Variants in WDR82 observed in about 807,000 individuals in gnomAD.
The protein encoded by WDR82 is WD repeat-containing protein 82.
WDR82 carries 8 observed loss-of-function variants against 36.1 expected under a neutral mutation model. That is an observed-to-expected ratio of 0.22 (90% CI 0.13 to 0.40). WDR82 has a LOEUF of 0.40. Ranked by LOEUF, WDR82 falls within the 10% of genes least tolerant of loss-of-function variation. The pLI, the probability that WDR82 is intolerant of heterozygous loss-of-function variation, is 1.00. For synonymous variants in WDR82, 129 were observed against 137.8 expected (o/e 0.94, Z 0.45); for missense variants, 185 against 400.5 (o/e 0.46, Z 4.59).
chr3:52,258,786 T>A lies in WDR82; in HGVS notation c.770-108A>T, dbSNP rs1025438770. On this transcript the variant is annotated intron_variant, in intron 7 of 8. Transcript: ENST00000296490. Reference sequence around the variant, plus strand: ...AGGATACGCCAAGCTTTAGGACCCATCCCTCAGGCAAAATTGAGAGGGAGG... The same window carrying A: ...AGGATACGCCAAGCTTTAGGACCCAACCCTCAGGCAAAATTGAGAGGGAGG... 4.7e-6 allele frequency: 7 copies of A among 1,487,446 alleles called. No individual in the cohort carries two copies. In the African/African-American group the frequency reaches 8.4e-5, roughly 18 times the overall value. 92.1% of individuals were successfully genotyped at this position (1,487,446 alleles called of 1,614,324 possible). A position where few individuals can be genotyped will look rare whatever the true frequency, so the allele number is the denominator to read the frequency against.
chr3:52,274,764 C>T (rs1700187291), intron 1 of WDR82, among the ~76,000 whole-genome samples: 1 of 151,970 alleles, frequency 6.6e-6, no homozygotes, highest in Admixed American at 6.6e-5. Flanking sequence ...TTAGCAGGCA[C>T]ACTGATGGGT....
At position 52,278,175 on chromosome 3, in the gene WDR82, G is replaced by A. The variant is rs377533223; in HGVS notation, c.161+26C>T. Reference sequence around the variant, plus strand: ...CCACCGGAGGGAGGCACTGAGACTCGGGCCCAGGGCCTCCGCCGCACTCAC... The same window carrying A: ...CCACCGGAGGGAGGCACTGAGACTCAGGCCCAGGGCCTCCGCCGCACTCAC... On this transcript the variant is annotated intron_variant, in intron 1 of 8. Transcript: ENST00000296490. 66 of 1,568,206 alleles carry A rather than the reference G, an allele frequency of 4.2e-5. No homozygotes were observed. In the African/African-American group the frequency reaches 5.1e-4, roughly 12 times the overall value.
At chr3:52,269,630 T>C (rs1578009846) in intron 2 of WDR82, among the ~76,000 whole-genome samples, 1 of 152,118 alleles carries the variant, frequency 6.6e-6, no homozygotes, top group African/African-American at 2.4e-5. Context: ...CCTGGGAGGC[T>C]GAGGCAGGAG....
chr3:52,278,316 C>T lies in WDR82; in HGVS notation c.46G>A (p.Val16Met), dbSNP rs1249324844. The T allele has an allele frequency of 6.2e-7, 1 of 1,602,714 alleles. No individual in the cohort carries two copies. The change falls in exon 1 of 9, where the codon GTG becomes ATG. Residue 16 changes from valine (V) to methionine (M), a missense_variant. Around this residue, in one of 3 missense-constraint regions of WDR82, gnomAD observed 49 missense variants for 80.6 expected, o/e 0.61. Transcript: ENST00000296490. ...ATCTTGTCCGAGTTTTCGCGGAACA[C>T]CTTAGCGACGCGGAAGCTCCGCAAC... ...SVLRSFRVAK[V>M]FRENSDKINC...
chr3:52,266,557 C>T (rs1241896680), intron 3 of WDR82, among the ~76,000 whole-genome samples: 3 of 152,116 alleles, frequency 2.0e-5, no homozygotes, highest in Non-Finnish European at 4.4e-5. Flanking sequence ...CCTGCCTCAG[C>T]CTCCCGAGTA....
rs1314935031 is a variant in WDR82, at chr3:52,255,791, A to G, written c.*1699T>C. ...AAATGTTTGTTTAGGAACTTAGTAA[A>G]ATGACATACTCCTCTCTCTGCTCTA... is the stretch of plus-strand genomic sequence containing the variant. On this transcript the variant is annotated 3_prime_UTR_variant, in exon 9 of 9. Coordinates refer to ENST00000296490, the MANE Select transcript of WDR82 (RefSeq NM_025222.4). 1 of 152,112 alleles carries G rather than the reference A, an allele frequency of 6.6e-6. No individual in the cohort carries two copies. The highest frequency in any genetic ancestry group is 6.6e-5 in the Admixed American group (1 of 15,266). 9.4% of individuals were successfully genotyped at this position (152,112 alleles called of 1,614,324 possible).
intron 1 of WDR82, among the ~76,000 whole-genome samples, chr3:52,277,002 A>G (rs1700209324): frequency 6.7e-6 from 1 of 150,116 alleles, no homozygotes; most frequent in Non-Finnish European, 1.5e-5. Context: ...GAAGGACACC[A>G]GTCTAAAAAA....
At position 52,278,405 on chromosome 3, in the gene WDR82, G is replaced by A; in HGVS notation, c.-44C>T. The A allele has an allele frequency of 7.8e-7, 1 of 1,283,058 alleles. No homozygotes were observed. Among genetic ancestry groups the A allele is most frequent in the Non-Finnish European group, 9.9e-7 (1 of 1,010,336 alleles). 79.5% of individuals were successfully genotyped at this position (1,283,058 alleles called of 1,614,324 possible). On this transcript the variant is annotated 5_prime_UTR_variant, in exon 1 of 9. Coordinates refer to ENST00000296490, the MANE Select transcript of WDR82 (RefSeq NM_025222.4). ...CAGCGGCGGCGCAGGGCCGGGGCGG[G>A]GCCCGGCGGCGAGCGGGCGGGCTGC...
At chr3:52,271,292 G>C (rs1251021416) in intron 1 of WDR82, among the ~76,000 whole-genome samples, 1 of 152,140 alleles carries the variant, frequency 6.6e-6, no homozygotes, top group Non-Finnish European at 1.5e-5. Context: ...ATTGCCTACA[G>C]TATTCAGTAC....
chr3:52,269,703 C>CTAGG (rs1483006879), intron 2 of WDR82, among the ~76,000 whole-genome samples: 1 of 152,062 alleles, frequency 6.6e-6, no homozygotes, highest in Non-Finnish European at 1.5e-5. Context: ...GCACTCCAGC[C>CTAGG]TAGGCAACAG....
rs986867651 is a variant in WDR82 at position 52,254,687 on chromosome 3, C to G, written c.*2803G>C. 2 of 152,392 alleles carry G rather than the reference C, an allele frequency of 1.3e-5. No homozygotes were observed. The highest frequency in any genetic ancestry group is 2.9e-5 in the Non-Finnish European group (2 of 68,030). 9.4% of individuals were successfully genotyped at this position (152,392 alleles called of 1,614,324 possible). ...CAACGGGAAATAATTTCTTTAAGTA[C>G]CCAGTGCAGTGTCACTGTCAAATAA... On this transcript the variant is annotated 3_prime_UTR_variant, in exon 9 of 9. Coordinates refer to ENST00000296490, the MANE Select transcript of WDR82 (RefSeq NM_025222.4).
chr3:52,278,309 C>G lies in WDR82; in HGVS notation c.53G>C (p.Arg18Pro), dbSNP rs1481311742. 1 of 1,608,972 alleles carries G rather than the reference C, an allele frequency of 6.2e-7. No individual in the cohort carries two copies. The highest frequency in any genetic ancestry group is 8.5e-7 in the Non-Finnish European group (1 of 1,178,262). ...LRSFRVAKVF[R>P]ENSDKINCFD... The stretch of plus-strand genomic sequence containing the variant: ...GCAGTTAATCTTGTCCGAGTTTTCG[C>G]GGAACACCTTAGCGACGCGGAAGCT... Residue 18 changes from arginine (R) to proline (P), a missense_variant, in exon 1 of 9, where the codon CGC (arginine) becomes CCC (proline). This residue lies in a region of WDR82 where 49 missense variants were observed against 80.6 expected (regional missense o/e 0.61). Coordinates refer to ENST00000296490, the MANE Select transcript of WDR82 (RefSeq NM_025222.4).
chr3:52,270,897 G>T (rs1333247890), intron 1 of WDR82, 88 bp from the exon 2 acceptor site: 1 of 963,590 alleles, frequency 1.0e-6, no homozygotes, highest in Admixed American at 2.6e-5. Context: ...CTTGAATGAT[G>T]TGGCAAAGGT....
At position 52,270,617 on chromosome 3, in the gene WDR82, C is replaced by T. The variant is rs75162542; in HGVS notation, c.259+95G>A. On this transcript the variant is annotated intron_variant, in intron 2 of 8. Coordinates refer to ENST00000296490, the MANE Select transcript of WDR82 (RefSeq NM_025222.4). ...CTAACATTATATGAAAATACTTAAACTAAAGTAGTCACAAAGCAGAAGTAG... is the reference window on the plus strand; with the variant it reads ...CTAACATTATATGAAAATACTTAAATTAAAGTAGTCACAAAGCAGAAGTAG... 1,356 of 911,578 alleles carry T rather than the reference C, an allele frequency of 1.5e-3. 17 individuals carry two copies. The African/African-American group carries it at 0.021, about 14-fold the overall frequency. The allele number at this position is 911,578 out of a possible 1,614,324, so 56.5% of individuals were successfully genotyped here. A position where few individuals can be genotyped will look rare whatever the true frequency, so the allele number is the denominator to read the frequency against.
chr3:52,262,594 C>T (rs762614788), intron 3 of WDR82, among the ~76,000 whole-genome samples: 17 of 152,124 alleles, frequency 1.1e-4, no homozygotes, highest in Admixed American at 7.2e-4. Flanking sequence ...CTAACTAGCC[C>T]CCAGGTGATG....
intron 2 of WDR82, among the ~76,000 whole-genome samples, chr3:52,269,646 C>T (rs567559118): frequency 6.6e-6 from 1 of 152,330 alleles, no homozygotes; most frequent in South Asian, 2.1e-4. Flanking sequence ...AGGAGAATTA[C>T]TTGAACCCGG....
rs1219763067 is a variant in WDR82 at position 52,257,042 on chromosome 3, G to C, written c.*448C>G. The C allele has an allele frequency of 1.2e-5, 2 of 169,930 alleles. No individual in the cohort carries two copies. Among genetic ancestry groups the C allele is most frequent in the Non-Finnish European group, 2.5e-5 (2 of 78,984 alleles). 10.5% of individuals were successfully genotyped at this position (169,930 alleles called of 1,614,324 possible). The stretch of plus-strand genomic sequence containing the variant: ...AGTACACAGGGAGACCCAGTAACAA[G>C]ACATGCAGGGTGAGGGCAAGCGGCT... On this transcript the variant is annotated 3_prime_UTR_variant, in exon 9 of 9. Coordinates refer to ENST00000296490, the MANE Select transcript of WDR82 (RefSeq NM_025222.4).
chr3:52,257,294 A>G lies in WDR82; in HGVS notation c.*196T>C. On this transcript the variant is annotated 3_prime_UTR_variant, in exon 9 of 9. Transcript: ENST00000296490. ...GAGTTCCAATTGAGTCTGTTGCACC[A>G]AGAGTCCTTTTGAAGACGCTCATCA... 2.9e-6 allele frequency: 2 copies of G among 680,798 alleles called. No individual in the cohort carries two copies. The highest frequency in any genetic ancestry group is 2.5e-6 in the Non-Finnish European group (1 of 407,696). 42.2% of individuals were successfully genotyped at this position (680,798 alleles called of 1,614,324 possible).
At chr3:52,274,195 G>T (rs1371834329) in intron 1 of WDR82, among the ~76,000 whole-genome samples, 1 of 152,180 alleles carries the variant, frequency 6.6e-6, no homozygotes, top group Non-Finnish European at 1.5e-5. Context: ...CAGTAAACTG[G>T]AAAATACTAA....
Sources: gnomAD v4.1 joint callset for allele counts (sites outside exome capture counted in the v4.1 genomes callset) on GRCh38, gnomAD v4.1.1 for gene constraint, gnomAD v4.1.1 regional missense constraint, MANE v1.5 for transcripts, NCBI Gene and HGNC (gene_info 2026-07-23, HGNC 2026-07-21) for gene names.